Variants in PLEKHM3 observed in about 807,000 individuals in gnomAD.
PLEKHM3 encodes pleckstrin homology domain-containing family M member 3.
A neutral mutation model predicts 81.8 loss-of-function variants in PLEKHM3; 45 were observed. The observed-to-expected ratio is 0.55, with a 90% CI of 0.43 to 0.71. The LOEUF is 0.71. Ranked by LOEUF, PLEKHM3 falls within the 30% of genes least tolerant of loss-of-function variation. The probability of loss-of-function intolerance (pLI) is 0.00; values close to 1 mark genes in which losing one functional copy is unlikely to be tolerated. For missense variants in PLEKHM3, 788 were observed against 924.3 expected (o/e 0.85, Z 1.91); for synonymous variants, 352 against 356.4 (o/e 0.99, Z 0.14).
chr2:207,942,369 G>A (rs1325333871), intron 4 of PLEKHM3, among the ~76,000 whole-genome samples: 1 of 151,954 alleles, frequency 6.6e-6, no homozygotes, highest in Non-Finnish European at 1.5e-5. Context: ...AAAATTAGTC[G>A]GATGTAGTGA....
intron 1 of PLEKHM3, among the ~76,000 whole-genome samples, chr2:208,003,615 G>A (rs539895794): frequency 6.6e-6 from 1 of 152,220 alleles, no homozygotes; most frequent in South Asian, 2.1e-4. Flanking sequence ...TATTTATTAT[G>A]TTAGTACTTC....
chr2:207,893,408 A>G (rs1688125330), intron 6 of PLEKHM3, among the ~76,000 whole-genome samples: 2 of 152,162 alleles, frequency 1.3e-5, no homozygotes, highest in Non-Finnish European at 2.9e-5. Context: ...TAAATTATAC[A>G]CACACCTAAA....
intron 6 of PLEKHM3, among the ~76,000 whole-genome samples, chr2:207,874,885 TG>T: frequency 6.6e-6 from 1 of 152,004 alleles, no homozygotes; most frequent in Non-Finnish European, 1.5e-5. Flanking sequence ...CCACCATGTC[TG>T]GCCTTTAAAA....
chr2:208,017,196 T>C (rs1013385046), intron 1 of PLEKHM3, among the ~76,000 whole-genome samples: 1 of 152,194 alleles, frequency 6.6e-6, no homozygotes, highest in Non-Finnish European at 1.5e-5. Context: ...CCAACTGTAA[T>C]TGTCTGTGAT....
At chr2:208,014,848 G>C (rs780609840) in intron 1 of PLEKHM3, among the ~76,000 whole-genome samples, 1 of 152,174 alleles carries the variant, frequency 6.6e-6, no homozygotes, top group African/African-American at 2.4e-5. Flanking sequence ...CTGACATTAG[G>C]ATGATAGGCA....
At position 207,836,312 on chromosome 2, in the gene PLEKHM3, A is replaced by T. The variant is rs1424957328; in HGVS notation, c.2109-7816T>A. Among the ~76,000 whole-genome samples, 15 of 62,488 alleles carry T rather than the reference A, an allele frequency of 2.4e-4. 1 individual carries two copies. Among genetic ancestry groups the T allele is most frequent in the Non-Finnish European group, 3.6e-4 (11 of 30,284 alleles). The allele number at this position is 62,488 out of a possible 152,430, so 41.0% of individuals were successfully genotyped here. A position where few individuals can be genotyped will look rare whatever the true frequency, so the allele number is the denominator to read the frequency against. On this transcript the variant is annotated intron_variant, in intron 7 of 7. Coordinates refer to ENST00000427836, the MANE Select transcript of PLEKHM3 (RefSeq NM_001080475.3). ...GCACTCCAGCCTGGGCGACAGAGAGAGAGTCTAAAAAAAAAAAAAAAAAAG... is the reference window on the plus strand; with the variant it reads ...GCACTCCAGCCTGGGCGACAGAGAGTGAGTCTAAAAAAAAAAAAAAAAAAG...
chr2:207,908,598 A>T, intron 5 of PLEKHM3, 21 bp from the exon 6 acceptor site: 1 of 1,583,414 alleles, frequency 6.3e-7, no homozygotes, highest in Non-Finnish European at 8.7e-7. Context: ...GGGCAGATAG[A>T]CAAGTGAACT....
At chr2:207,905,897 G>T (rs115850855) in intron 6 of PLEKHM3, among the ~76,000 whole-genome samples, 1 of 152,028 alleles carries the variant, frequency 6.6e-6, no homozygotes, top group Non-Finnish European at 1.5e-5. Flanking sequence ...TAAGTAAGCT[G>T]CTTGGCATGT....
At chr2:207,872,564 G>A (rs1320760229) in intron 6 of PLEKHM3, among the ~76,000 whole-genome samples, 3 of 152,174 alleles carry the variant, frequency 2.0e-5, no homozygotes, top group Admixed American at 6.5e-5. Context: ...GCGGCCGGGC[G>A]CAGTGGCTCA....
intron 4 of PLEKHM3, among the ~76,000 whole-genome samples, chr2:207,944,863 G>A (rs956414224): frequency 6.6e-6 from 1 of 152,008 alleles, no homozygotes. Context: ...GAAAACATAC[G>A]GTTATTTTTT....
At chr2:207,993,556 C>T (rs1005095747) in intron 2 of PLEKHM3, among the ~76,000 whole-genome samples, 1 of 149,506 alleles carries the variant, frequency 6.7e-6, no homozygotes, top group Admixed American at 6.7e-5. Flanking sequence ...AACAGAGTAA[C>T]ACAAAACCTG....
At chr2:207,839,826 C>G (rs2092340270) in intron 7 of PLEKHM3, among the ~76,000 whole-genome samples, 1 of 152,120 alleles carries the variant, frequency 6.6e-6, no homozygotes, top group Non-Finnish European at 1.5e-5. Context: ...ACTGGGGAGG[C>G]TGAAGTAGGA....
chr2:207,969,079 C>T (rs1691023080), intron 3 of PLEKHM3, among the ~76,000 whole-genome samples: 2 of 152,084 alleles, frequency 1.3e-5, no homozygotes, highest in Admixed American at 1.3e-4. Context: ...TCCTTATTTC[C>T]ACCTCTCAGT....
chr2:207,890,352 G>C (rs372004840), intron 6 of PLEKHM3, among the ~76,000 whole-genome samples: 1 of 152,170 alleles, frequency 6.6e-6, no homozygotes, highest in African/African-American at 2.4e-5. Context: ...ATAGAGCTGG[G>C]CATGGTAGCT....
At chr2:207,931,260 T>A in intron 4 of PLEKHM3, 141 bp from the exon 5 acceptor site, 1 of 820,878 alleles carries the variant, frequency 1.2e-6, no homozygotes, top group Non-Finnish European at 1.8e-6. Context: ...GTAGTTGAAT[T>A]AAATGTAAAT....
At chr2:207,892,556 C>G (rs890574898) in intron 6 of PLEKHM3, among the ~76,000 whole-genome samples, 4 of 152,118 alleles carry the variant, frequency 2.6e-5, no homozygotes, top group Non-Finnish European at 5.9e-5. Flanking sequence ...GTTTCAATCC[C>G]GTGGAACCCT....
chr2:207,907,995 T>G (rs1049669386), intron 6 of PLEKHM3, among the ~76,000 whole-genome samples: 1 of 152,256 alleles, frequency 6.6e-6, no homozygotes, highest in South Asian at 2.1e-4. Context: ...TCAAGATTTA[T>G]CCATATTGTA....
intron 5 of PLEKHM3, among the ~76,000 whole-genome samples, chr2:207,919,052 T>C (rs953107790): frequency 3.3e-5 from 5 of 151,946 alleles, no homozygotes; most frequent in African/African-American, 1.2e-4. Flanking sequence ...TAAAACACAG[T>C]GGTAAAGGAT....
intron 6 of PLEKHM3, among the ~76,000 whole-genome samples, chr2:207,907,646 T>G (rs1688657810): frequency 6.6e-6 from 1 of 152,232 alleles, no homozygotes. Context: ...CTTAACACAT[T>G]CAATGCCTTT....
Sources: allele counts gnomAD v4.1 joint callset (sites outside exome capture counted in the v4.1 genomes callset), GRCh38; gene constraint gnomAD v4.1.1; transcripts MANE v1.5; gene names NCBI Gene and HGNC (gene_info 2026-07-23, HGNC 2026-07-21).